The following LRRTM3 variants were observed in gnomAD, a reference collection of about 807,000 sequenced individuals.
LRRTM3 encodes leucine-rich repeat transmembrane neuronal protein 3.
LRRTM3 carries 24 observed loss-of-function variants against 44.7 expected under a neutral mutation model. The observed-to-expected ratio is 0.54, with a 90% confidence interval of 0.39 to 0.76. The LOEUF (loss-of-function observed/expected upper bound fraction) is 0.76, where lower values mean the gene tolerates loss of function less well. LRRTM3 is among the 30% of genes least tolerant of loss of function. The pLI is 0.00. For missense variants in LRRTM3, 587 were observed against 702.2 expected, an observed-to-expected ratio of 0.84 and a Z score of 1.85; for synonymous variants, 277 against 278.7, an observed-to-expected ratio of 0.99 and a Z score of 0.06.
chr10:66,939,291 C>T (rs1431458278), intron 2 of LRRTM3, among the ~76,000 whole-genome samples: 3 of 152,150 alleles, frequency 2.0e-5, no homozygotes, highest in Non-Finnish European at 2.9e-5. Flanking sequence ...TATTCCTTTG[C>T]ACTACATTTC....
intron 2 of LRRTM3, among the ~76,000 whole-genome samples, chr10:67,068,967 G>T (rs905145255): frequency 6.6e-6 from 1 of 152,092 alleles, no homozygotes; most frequent in South Asian, 2.1e-4. Flanking sequence ...GGCTGAGGCA[G>T]GAGAATCACT....
At chr10:66,987,033 A>C (rs141110696) in intron 2 of LRRTM3, among the ~76,000 whole-genome samples, 43 of 152,236 alleles carry the variant, frequency 2.8e-4, no homozygotes, top group African/African-American at 8.9e-4. Context: ...AACCAAGCAG[A>C]TATACAAGAT....
chr10:67,061,950 T>TAA lies in LRRTM3; in HGVS notation c.1537-35630_1537-35629dup, dbSNP rs201000620. Among the ~76,000 whole-genome samples, 109 of 110,868 alleles carry TAA rather than the reference T, an allele frequency of 9.8e-4. 1 individual carries two copies. The highest frequency in any genetic ancestry group is 3.9e-3 in the African/African-American group (105 of 27,248). 72.7% of individuals were successfully genotyped at this position (110,868 alleles called of 152,430 possible). A position where few individuals can be genotyped will look rare whatever the true frequency, so the allele number is the denominator to read the frequency against. ...AATTTATAAGAAAGCTTATTTACTG[T>TAA]AAAAAAAATCAATCTTAGGAAATAG... On this transcript the variant is annotated intron_variant, in intron 2 of 2. Transcript: ENST00000361320.
At chr10:67,026,276 A>G (rs1358236589) in intron 2 of LRRTM3, among the ~76,000 whole-genome samples, 1 of 152,118 alleles carries the variant, frequency 6.6e-6, no homozygotes, top group Admixed American at 6.6e-5. Context: ...AAGAAAAAAA[A>G]GAGAGAAAAA....
chr10:66,935,512 G>A (rs1230874166), intron 2 of LRRTM3, among the ~76,000 whole-genome samples: 1 of 151,892 alleles, frequency 6.6e-6, no homozygotes, highest in Non-Finnish European at 1.5e-5. Flanking sequence ...TAGAGGGTTA[G>A]GTAACATCAC....
chr10:66,950,183 TTACA>T (rs1589475395), intron 2 of LRRTM3, among the ~76,000 whole-genome samples: 1 of 152,184 alleles, frequency 6.6e-6, no homozygotes, highest in Non-Finnish European at 1.5e-5. Flanking sequence ...AATTTAACTC[TTACA>T]TAAACTATTT....
At chr10:67,058,721 T>C (rs1855584744) in intron 2 of LRRTM3, among the ~76,000 whole-genome samples, 1 of 152,180 alleles carries the variant, frequency 6.6e-6, no homozygotes, top group South Asian at 2.1e-4. Context: ...GCTATTTCTC[T>C]TTTTGCAAGG....
At chr10:66,983,869 A>G (rs1351342985) in intron 2 of LRRTM3, among the ~76,000 whole-genome samples, 1 of 152,190 alleles carries the variant, frequency 6.6e-6, no homozygotes, top group Non-Finnish European at 1.5e-5. Context: ...ATAATAGCTA[A>G]TGTTTTAGCA....
At chr10:67,010,721 GC>G (rs2133035422) in intron 2 of LRRTM3, among the ~76,000 whole-genome samples, 1 of 152,282 alleles carries the variant, frequency 6.6e-6, no homozygotes, top group Admixed American at 6.5e-5. Flanking sequence ...GTTAGCAAGA[GC>G]TTTCGACTCA....
chr10:67,027,611 A>G (rs956481037), intron 2 of LRRTM3, among the ~76,000 whole-genome samples: 7 of 151,562 alleles, frequency 4.6e-5, no homozygotes, highest in Non-Finnish European at 7.4e-5. Flanking sequence ...ACTTTTTTGT[A>G]TTTTTAGTAG....
At chr10:67,041,318 C>T (rs916406140) in intron 2 of LRRTM3, among the ~76,000 whole-genome samples, 2 of 152,108 alleles carry the variant, frequency 1.3e-5, no homozygotes, top group Admixed American at 6.6e-5. Flanking sequence ...GCTCCCCAAG[C>T]TGCCCAAGGG....
rs55770560 is a variant in LRRTM3, at chr10:66,997,366, A to C, written c.1536+68914A>C. Among the ~76,000 whole-genome samples the C allele has an allele frequency of 6.3e-3, 961 of 152,332 alleles. 9 individuals are homozygous for C. Among genetic ancestry groups the C allele is most frequent in the African/African-American group, 0.022 (917 of 41,574 alleles). On this transcript the variant is annotated intron_variant, in intron 2 of 2. Transcript: ENST00000361320. ...CCACAAATTCTTTCTTGTTTGTAAA[A>C]ATTAATTTACCTGTGTTAAATTGTT...
At chr10:67,000,520 A>G (rs1395962722) in intron 2 of LRRTM3, among the ~76,000 whole-genome samples, 1 of 152,206 alleles carries the variant, frequency 6.6e-6, no homozygotes, top group African/African-American at 2.4e-5. Flanking sequence ...CCAGTTCAGT[A>G]ATCACAAAAT....
chr10:66,955,037 T>A (rs2132738519), intron 2 of LRRTM3, among the ~76,000 whole-genome samples: 1 of 152,292 alleles, frequency 6.6e-6, no homozygotes, highest in South Asian at 2.1e-4. Flanking sequence ...TATATAGCAT[T>A]ATCAAAGTCT....
intron 2 of LRRTM3, among the ~76,000 whole-genome samples, chr10:67,048,196 G>A (rs2133173949): frequency 1.3e-5 from 2 of 152,064 alleles, no homozygotes; most frequent in South Asian, 4.2e-4. Flanking sequence ...AAAAATAACA[G>A]TAGGATTAAC....
rs112787444 is a variant in LRRTM3, at chr10:66,967,307, T to C, written c.1536+38855T>C. ...TAGTGGATAGATATAGATATAGGTA[T>C]AGATAGATATAGATATGGATATAGA... On this transcript the variant is annotated intron_variant, in intron 2 of 2. Coordinates refer to ENST00000361320, the MANE Select transcript of LRRTM3 (RefSeq NM_178011.5). 8.7e-3 allele frequency among the ~76,000 whole-genome samples: 1,315 copies of C among 151,044 alleles called. 14 individuals carry two copies. Among genetic ancestry groups the C allele is most frequent in the Middle Eastern group, 0.024 (7 of 292 alleles).
At chr10:67,070,040 C>T (rs1856352235) in intron 2 of LRRTM3, among the ~76,000 whole-genome samples, 3 of 152,200 alleles carry the variant, frequency 2.0e-5, no homozygotes, top group Admixed American at 2.0e-4. Flanking sequence ...TTCCATTGCT[C>T]TACATCGTTG....
intron 2 of LRRTM3, among the ~76,000 whole-genome samples, chr10:67,063,283 A>G (rs1855869974): frequency 6.6e-6 from 1 of 152,220 alleles, no homozygotes; most frequent in Admixed American, 6.5e-5. Flanking sequence ...AAGATGTATT[A>G]GTTCACATTT....
chr10:66,971,020 T>G (rs1253010221), intron 2 of LRRTM3, among the ~76,000 whole-genome samples: 1 of 152,176 alleles, frequency 6.6e-6, no homozygotes, highest in Non-Finnish European at 1.5e-5. Flanking sequence ...TGCCTTTCTA[T>G]GAGTATTTGC....
Sources: gnomAD v4.1 joint callset for allele counts (sites outside exome capture counted in the v4.1 genomes callset) on GRCh38, gnomAD v4.1.1 for gene constraint, MANE v1.5 for transcripts, NCBI Gene and HGNC (gene_info 2026-07-23, HGNC 2026-07-21) for gene names.